TLE1: variants seen among roughly 807,000 people sequenced by gnomAD.
TLE1 encodes transducin-like enhancer protein 1.
Under a neutral mutation model 89.8 loss-of-function variants are expected in TLE1, and 21 were observed. That is an observed-to-expected ratio of 0.23 (90% CI 0.17 to 0.34). The LOEUF (loss-of-function observed/expected upper bound fraction) is 0.34, where lower values mean the gene tolerates loss of function less well. Among genes scored for constraint, TLE1 ranks in the 10% least tolerant of loss-of-function variants. TLE1 has a pLI of 1.00. For missense variants in TLE1, 795 were observed against 1,031.2 expected, an observed-to-expected ratio of 0.77 and a Z score of 3.14; for synonymous variants, 447 against 407.6, an observed-to-expected ratio of 1.10 and a Z score of -1.16.
At chr9:81,664,322 A>G (rs1168771356) in intron 4 of TLE1, among the ~76,000 whole-genome samples, 1 of 151,946 alleles carries the variant, frequency 6.6e-6, no homozygotes, top group Non-Finnish European at 1.5e-5. Context: ...CACACAAAAC[A>G]CTGCAAATAA....
intron 4 of TLE1, among the ~76,000 whole-genome samples, chr9:81,671,325 G>A (rs2132946170): frequency 6.6e-6 from 1 of 152,162 alleles, no homozygotes; most frequent in South Asian, 2.1e-4. Context: ...ACCAGCCTGG[G>A]CAACATGGCG....
At chr9:81,687,230 C>T (rs1244385566) in intron 2 of TLE1, 104 bp downstream of exon 2, 3 of 912,128 alleles carry the variant, frequency 3.3e-6, no homozygotes, top group Non-Finnish European at 5.1e-6. Flanking sequence ...CCACACGCCA[C>T]CGCCTGGACG....
chr9:81,608,575 C>T (rs906676627), intron 14 of TLE1, among the ~76,000 whole-genome samples: 2 of 152,094 alleles, frequency 1.3e-5, no homozygotes, highest in African/African-American at 2.4e-5. Flanking sequence ...CTGAAAGCAA[C>T]CACATGAAGG....
At chr9:81,665,561 C>A (rs575374336) in intron 4 of TLE1, among the ~76,000 whole-genome samples, 38 of 152,184 alleles carry the variant, frequency 2.5e-4, no homozygotes, top group African/African-American at 8.7e-4. Context: ...GCACAGATAG[C>A]AACACTAATT....
At chr9:81,687,242 A>G in intron 2 of TLE1, 92 bp downstream of exon 2, 1 of 1,046,232 alleles carries the variant, frequency 9.6e-7, no homozygotes, top group Non-Finnish European at 1.4e-6. Context: ...GCCTGGACGC[A>G]AGAACTAAGT....
chr9:81,647,901 A>G (rs1238414195), intron 6 of TLE1, among the ~76,000 whole-genome samples: 1 of 152,118 alleles, frequency 6.6e-6, no homozygotes, highest in East Asian at 1.9e-4. Flanking sequence ...AAAATATACA[A>G]CTGTGCCATT....
Position 81,664,996 on chromosome 9 carries a change from CCTCT to C in TLE1, c.235-10964_235-10961del, listed in dbSNP as rs931655425. Among the ~76,000 whole-genome samples the C allele has an allele frequency of 1.4e-4, 22 of 152,308 alleles. 1 individual carries two copies. The highest frequency in any genetic ancestry group is 4.3e-4 in the African/African-American group (18 of 41,566). On this transcript the variant is annotated intron_variant, in intron 4 of 19. Transcript: ENST00000376499. ...TAGCACCTGCCAGGTGCTCTGACACCCTCTCTCTAATCTTCATGTGGACACCAGG... is the reference window on the plus strand; with the variant it reads ...TAGCACCTGCCAGGTGCTCTGACACCCTCTAATCTTCATGTGGACACCAGG...
chr9:81,627,015 G>C (rs1244315215), intron 8 of TLE1, among the ~76,000 whole-genome samples: 4 of 152,154 alleles, frequency 2.6e-5, no homozygotes, highest in Middle Eastern at 3.2e-3. Context: ...AGCTGTTTCT[G>C]TGCCTCTTTG....
intron 8 of TLE1, 56 bp downstream of exon 8, chr9:81,633,292 T>TG: frequency 2.6e-5 from 4 of 151,638 alleles, no homozygotes; most frequent in South Asian, 3.8e-4. Context: ...GGGGACCGTG[T>TG]GTGTGTGTGT....
At chr9:81,616,583 G>GT (rs374667036) in intron 10 of TLE1, 63 bp downstream of exon 10, 157 of 1,578,560 alleles carry the variant, frequency 9.9e-5, no homozygotes, top group South Asian at 3.5e-4. Flanking sequence ...TTCACTGTTA[G>GT]TTTTTTTTCA....
chr9:81,666,776 AAAAT>A (rs58357123), intron 4 of TLE1, among the ~76,000 whole-genome samples: 123 of 141,872 alleles, frequency 8.7e-4, no homozygotes, highest in East Asian at 2.3e-3. Context: ...CTCGTCTCAC[AAAAT>A]AAATAAATAA....
rs924434487 is a variant in TLE1 at position 81,629,516 on chromosome 9, T to A, written c.594+3832A>T. Among the ~76,000 whole-genome samples the A allele has an allele frequency of 2.6e-5, 4 of 152,142 alleles. 1 individual carries two copies. Among genetic ancestry groups the A allele is most frequent in the African/African-American group, 9.7e-5 (4 of 41,438 alleles). On this transcript the variant is annotated intron_variant, in intron 8 of 19. Transcript: ENST00000376499. Reference sequence around the variant, plus strand: ...CTTTATTGTTCATCCCTTTCAGAAATAAGAAACTTTAAAGCAGTTTCCATA... The same window carrying A: ...CTTTATTGTTCATCCCTTTCAGAAAAAAGAAACTTTAAAGCAGTTTCCATA...
intron 6 of TLE1, among the ~76,000 whole-genome samples, chr9:81,643,554 G>C (rs1441003666): frequency 6.6e-6 from 1 of 151,654 alleles, no homozygotes; most frequent in Non-Finnish European, 1.5e-5. Context: ...TGTTTTCTTA[G>C]AGACAGGGTC....
Position 81,671,285 on chromosome 9 carries a change from G to A in TLE1, c.234+14391C>T, listed in dbSNP as rs188445535. On this transcript the variant is annotated intron_variant, in intron 4 of 19. Coordinates refer to ENST00000376499, the MANE Select transcript of TLE1 (RefSeq NM_005077.5). ...TCCCAGCACTTTGGAAGGCTGAAGCGGGCGGATTGCTTGAGCCCTGGAGTT... is the reference window on the plus strand; with the variant it reads ...TCCCAGCACTTTGGAAGGCTGAAGCAGGCGGATTGCTTGAGCCCTGGAGTT... 9.2e-5 allele frequency among the ~76,000 whole-genome samples: 14 copies of A among 152,122 alleles called. No individual in the cohort carries two copies. The South Asian group carries it at 1.0e-3, about 11-fold the overall frequency.
intron 8 of TLE1, among the ~76,000 whole-genome samples, chr9:81,632,847 T>A (rs1484504071): frequency 6.6e-6 from 1 of 152,184 alleles, no homozygotes; most frequent in Non-Finnish European, 1.5e-5. Flanking sequence ...GAAAACAAGA[T>A]ATGGAAACCT....
intron 14 of TLE1, among the ~76,000 whole-genome samples, chr9:81,608,834 G>C (rs1823313993): frequency 6.6e-6 from 1 of 151,846 alleles, no homozygotes; most frequent in Non-Finnish European, 1.5e-5. Context: ...CTACTCGAGA[G>C]GCTGAGACAG....
chr9:81,662,139 AT>A (rs1830875573), intron 4 of TLE1, among the ~76,000 whole-genome samples: 1 of 152,244 alleles, frequency 6.6e-6, no homozygotes, highest in Admixed American at 6.5e-5. Context: ...TGTAACAGCA[AT>A]TCAACACATC....
At chr9:81,620,143 C>T (rs1034406515) in intron 9 of TLE1, among the ~76,000 whole-genome samples, 2 of 152,102 alleles carry the variant, frequency 1.3e-5, no homozygotes, top group African/African-American at 2.4e-5. Context: ...GCGGGGGGCC[C>T]GGGGGACTCC....
intron 6 of TLE1, among the ~76,000 whole-genome samples, chr9:81,637,644 CTTTTTTTT>C (rs11375860): frequency 7.2e-6 from 1 of 138,710 alleles, no homozygotes; most frequent in East Asian, 2.1e-4. Flanking sequence ...ATGAAAGTTT[CTTTTTTTT>C]TTTTTTTTTT....
Sources: allele counts gnomAD v4.1 joint callset (sites outside exome capture counted in the v4.1 genomes callset), GRCh38; gene constraint gnomAD v4.1.1; transcripts MANE v1.5; gene names NCBI Gene and HGNC (gene_info 2026-07-23, HGNC 2026-07-21).